The following MLLT10 variants were observed in gnomAD, a reference collection of about 807,000 sequenced individuals.
MLLT10 encodes protein AF-10.
In MLLT10, 30 loss-of-function variants were observed where a neutral mutation model predicts 129.1. The observed-to-expected ratio is 0.23, with a 90% CI of 0.17 to 0.32. MLLT10 has a LOEUF of 0.32. Among genes scored for constraint, MLLT10 ranks in the 10% least tolerant of loss-of-function variants. MLLT10 has a pLI of 1.00. For missense variants in MLLT10, 1,119 were observed against 1,268.3 expected (o/e 0.88, Z 1.79); for synonymous variants, 490 against 446.4 (o/e 1.10, Z -1.23).
intron 8 of MLLT10, among the ~76,000 whole-genome samples, chr10:21,649,673 T>C (rs2048835434): frequency 6.6e-6 from 1 of 152,232 alleles, no homozygotes; most frequent in Admixed American, 6.5e-5. Context: ...GATGTCATTC[T>C]CCATTTGGCC....
At chr10:21,566,196 C>T (rs950140159) in intron 3 of MLLT10, among the ~76,000 whole-genome samples, 1 of 150,980 alleles carries the variant, frequency 6.6e-6, no homozygotes, top group African/African-American at 2.4e-5. Flanking sequence ...CTCAGGTGAT[C>T]TGCTCTCCTA....
chr10:21,652,431 A>T (rs567844054), intron 9 of MLLT10, among the ~76,000 whole-genome samples: 13 of 152,196 alleles, frequency 8.5e-5, no homozygotes, highest in Admixed American at 4.6e-4. Context: ...TATCATTTGT[A>T]AAGTGGGGGA....
intron 4 of MLLT10, among the ~76,000 whole-genome samples, chr10:21,587,422 TCAAAA>T (rs2042091598): frequency 1.5e-5 from 1 of 67,254 alleles, no homozygotes; most frequent in Non-Finnish European, 2.8e-5. Flanking sequence ...AGACCCTGCC[TCAAAA>T]AAAAAAAAAA....
intron 4 of MLLT10, among the ~76,000 whole-genome samples, chr10:21,588,754 T>A (rs2042230711): frequency 6.6e-6 from 1 of 152,090 alleles, no homozygotes; most frequent in Non-Finnish European, 1.5e-5. Flanking sequence ...GTTCACATCT[T>A]TTTATAGTTT....
At chr10:21,675,615 C>T (rs1482530235) in intron 11 of MLLT10, among the ~76,000 whole-genome samples, 1 of 152,028 alleles carries the variant, frequency 6.6e-6, no homozygotes, top group African/African-American at 2.4e-5. Context: ...AGCAGTAAGC[C>T]CCCTTGTCAC....
chr10:21,551,773 T>C (rs1415508462), intron 3 of MLLT10: 7 of 399,524 alleles, frequency 1.8e-5, no homozygotes, highest in Non-Finnish European at 3.4e-5. Context: ...TTTTTTAAAT[T>C]AAGTCTAATA....
intron 21 of MLLT10, among the ~76,000 whole-genome samples, chr10:21,738,039 G>A (rs1564754891): frequency 6.6e-6 from 1 of 152,114 alleles, no homozygotes. Context: ...GGAGACGGAG[G>A]TGGGCGGATC....
Position 21,656,384 on chromosome 10 carries a change from T to TAAAGTG in MLLT10, c.795+4617_795+4618insAAGTGA, listed in dbSNP as rs149812972. On this transcript the variant is annotated intron_variant, in intron 9 of 22. Coordinates refer to ENST00000307729, the MANE Select transcript of MLLT10 (RefSeq NM_001195626.3). ...TATTTTGATACATGTACACAATGTG[T>TAAAGTG]AGACTCCATGGTTGATGATGGTAGA... Among the ~76,000 whole-genome samples the TAAAGTG allele has an allele frequency of 3.9e-3, 596 of 152,334 alleles. 8 individuals carry two copies. Among genetic ancestry groups the TAAAGTG allele is most frequent in the African/African-American group, 0.014 (567 of 41,570 alleles).
chr10:21,651,421 T>C (rs1312823232), intron 8 of MLLT10, among the ~76,000 whole-genome samples: 1 of 152,180 alleles, frequency 6.6e-6, no homozygotes, highest in East Asian at 1.9e-4. Flanking sequence ...AATGTAAATG[T>C]AGCAAATAAT....
At chr10:21,694,265 C>T (rs957531163) in intron 13 of MLLT10, among the ~76,000 whole-genome samples, 2 of 152,118 alleles carry the variant, frequency 1.3e-5, no homozygotes, top group African/African-American at 4.8e-5. Context: ...TTTTCAAATG[C>T]CATTCAAGTT....
chr10:21,659,512 C>CT (rs1432253622), intron 9 of MLLT10, among the ~76,000 whole-genome samples: 1,858 of 139,856 alleles, frequency 0.013, 38 homozygotes, highest in African/African-American at 0.038. Flanking sequence ...TACTCTTAAT[C>CT]TTTTTTTTTT....
chr10:21,563,513 ACT>A (rs902693161), intron 3 of MLLT10, among the ~76,000 whole-genome samples: 29 of 151,888 alleles, frequency 1.9e-4, no homozygotes, highest in Non-Finnish European at 3.5e-4. Flanking sequence ...ACAGAGTGAG[ACT>A]CTGTCTAAAA....
rs545595632 is a variant in MLLT10, at chr10:21,605,584, A to G, written c.406-6764A>G. Among the ~76,000 whole-genome samples, 4 of 152,204 alleles carry G rather than the reference A, an allele frequency of 2.6e-5. No homozygotes were observed. In the South Asian group the frequency reaches 8.3e-4, roughly 32 times the overall value. ...CTCAGCCTCGCAAGCAGCAGGGACT[A>G]CAGCCATATGCCATCATGCCTAAGT... On this transcript the variant is annotated intron_variant, in intron 5 of 22. Transcript: ENST00000307729.
chr10:21,612,845 T>C (rs1215676193), intron 6 of MLLT10, among the ~76,000 whole-genome samples: 2 of 152,156 alleles, frequency 1.3e-5, no homozygotes, highest in Non-Finnish European at 2.9e-5. Context: ...TGAGAAGTAG[T>C]GTAACCACTG....
At chr10:21,600,358 C>T (rs1317227552) in intron 5 of MLLT10, among the ~76,000 whole-genome samples, 1 of 147,296 alleles carries the variant, frequency 6.8e-6, no homozygotes, top group Non-Finnish European at 1.5e-5. Flanking sequence ...TTGAATCTTT[C>T]CTGAGATAGA....
intron 3 of MLLT10, chr10:21,556,618 A>G (rs1417673541): frequency 6.3e-7 from 1 of 1,577,582 alleles, no homozygotes; most frequent in Non-Finnish European, 8.7e-7. Context: ...GTAGTGAATA[A>G]GGGATTGTTT....
At chr10:21,616,613 CAAAT>C (rs887095487) in intron 7 of MLLT10, among the ~76,000 whole-genome samples, 1 of 151,934 alleles carries the variant, frequency 6.6e-6, no homozygotes, top group Non-Finnish European at 1.5e-5. Context: ...TTTGCTCTAT[CAAAT>C]AAAATGTGCA....
intron 3 of MLLT10, among the ~76,000 whole-genome samples, chr10:21,570,225 T>TGTGTGTGTGTGCGCGC (rs1163443719): frequency 6.7e-6 from 1 of 148,820 alleles, no homozygotes; most frequent in Non-Finnish European, 1.5e-5. Flanking sequence ...TGTGTGTGTG[T>TGTGTGTGTGTGCGCGC]GTGTGTGTGT....
At chr10:21,596,494 T>G (rs2043027350) in intron 5 of MLLT10, among the ~76,000 whole-genome samples, 1 of 152,158 alleles carries the variant, frequency 6.6e-6, no homozygotes. Flanking sequence ...GTGTGAACAT[T>G]TTGGAAGCTT....
Sources: allele counts gnomAD v4.1 joint callset (sites outside exome capture counted in the v4.1 genomes callset), GRCh38; gene constraint gnomAD v4.1.1; transcripts MANE v1.5; gene names NCBI Gene and HGNC (gene_info 2026-07-23, HGNC 2026-07-21).